Variants in SHROOM1 observed in about 807,000 individuals in gnomAD.
The protein encoded by SHROOM1 is protein Shroom1.
Under a neutral mutation model 64.2 loss-of-function variants are expected in SHROOM1, and 53 were observed. The ratio of observed to expected loss-of-function variants is 0.83; its 90% CI spans 0.66 to 1.04. The LOEUF is 1.04. Among genes scored for constraint, SHROOM1 ranks in the 50% least tolerant of loss-of-function variants. SHROOM1 has a pLI of 0.00. For missense variants in SHROOM1, 1,179 were observed against 1,163.2 expected, an observed-to-expected ratio of 1.01 and a Z score of -0.20; for synonymous variants, 490 against 518.9, an observed-to-expected ratio of 0.94 and a Z score of 0.76.
In SHROOM1 at chr5:132,824,797, C is replaced by T. The variant is rs150122012; in HGVS notation, c.1059G>A (p.Ala353=). 185 of 1,614,056 alleles carry T rather than the reference C, an allele frequency of 1.1e-4. No individual in the cohort carries two copies. The African/African-American group carries it at 1.8e-3, about 16-fold the overall frequency. Reference sequence around the variant, plus strand: ...GGGGTAACTCTGCAGGATACATCACCGCAGCCTCTTTCTGAGGCAAGAACC... The same window carrying T: ...GGGGTAACTCTGCAGGATACATCACTGCAGCCTCTTTCTGAGGCAAGAACC... ...LSRFLPQKEA[A]VMYPAELPQS... is the part of the protein sequence containing the mutation. Residue 353 remains alanine (A), a synonymous_variant, in exon 6 of 10, where the codon GCG becomes GCA. Transcript: ENST00000378679.
Position 132,825,227 on chromosome 5 carries a change from C to T in SHROOM1, c.914G>A (p.Arg305Gln), listed in dbSNP as rs1427425730. The change falls in exon 4 of 10, where the codon CGG becomes CAG. Residue 305 changes from arginine to glutamine, a missense_variant. Transcript: ENST00000378679. The surrounding 1 kb of genome is among the most constrained non-coding windows in gnomAD (Gnocchi z 5.1). ...GDAFRPASRS[R>Q]SASGEVLGSW... ...ACCCAAGACTTCGCCTGAAGCGCTC[C>T]GACTCCGACTGGCGGGCCTGAAGGC... is the stretch of plus-strand genomic sequence containing the variant. 3 of 1,614,032 alleles carry T rather than the reference C, an allele frequency of 1.9e-6. No homozygotes were observed. The highest frequency in any genetic ancestry group is 4.5e-5 in the East Asian group (2 of 44,870).
At position 132,830,371 on chromosome 5, in the gene SHROOM1, C is replaced by CCTGCAGCT; in HGVS notation, c.-501+215_-501+222dup. On this transcript the variant is annotated intron_variant, in intron 1 of 9. Transcript: ENST00000378679. The surrounding 1 kb of genome is among the most constrained non-coding windows in gnomAD (Gnocchi z 5.9). ...AGCTTAGAGTGGGCCGCCTCTCCGC[C>CCTGCAGCT]CTGCAGCTCTGCAGCTGGGAGAGGC... is the stretch of plus-strand genomic sequence containing the variant. The CCTGCAGCT allele has an allele frequency of 1.0e-6, 1 of 985,112 alleles. No homozygotes were observed. The highest frequency in any genetic ancestry group is 1.2e-6 in the Non-Finnish European group (1 of 829,818). 61.0% of individuals were successfully genotyped at this position (985,112 alleles called of 1,614,324 possible).
chr5:132,822,766 G>A lies in SHROOM1; in HGVS notation c.*30C>T. On this transcript the variant is annotated 3_prime_UTR_variant, in exon 10 of 10. Coordinates refer to ENST00000378679, the MANE Select transcript of SHROOM1 (RefSeq NM_001172700.2). ...CCCACTTACGTGGGTGAGAGATAGG[G>A]GCGGTGCACCCCACCCTCTCCACCT... 2 of 1,539,876 alleles carry A rather than the reference G, an allele frequency of 1.3e-6. No individual in the cohort carries two copies. Among genetic ancestry groups the A allele is most frequent in the East Asian group, 2.4e-5 (1 of 41,872 alleles).
At position 132,824,309 on chromosome 5, in the gene SHROOM1, T is replaced by A. The variant is rs780058792; in HGVS notation, c.1352A>T (p.Asp451Val). The A allele has an allele frequency of 5.0e-6, 8 of 1,613,336 alleles. No homozygotes were observed. In the African/African-American group the frequency reaches 9.3e-5, roughly 19 times the overall value. The change falls in exon 7 of 10, where the codon GAT becomes GTT. Residue 451 changes from aspartate (D) to valine (V), a missense_variant. Asp to Val is a radical substitution (Grantham distance 152, BLOSUM62 -3). Transcript: ENST00000378679. ...LHECPGTAGADDCWQGVNGSV... is the reference protein window; with the variant it reads ...LHECPGTAGAVDCWQGVNGSV... ...ACCATTCACCCCCTGCCAGCAGTCA[T>A]CTGCCCCTGCAGTTCCTGGACACTC...
Position 132,823,618 on chromosome 5 carries a change from C to T in SHROOM1, c.1953+5G>A, listed in dbSNP as rs781009896. 10 of 1,582,664 alleles carry T rather than the reference C, an allele frequency of 6.3e-6. No homozygotes were observed. The highest frequency in any genetic ancestry group is 3.6e-5 in the Admixed American group (2 of 55,978). On this transcript the variant is annotated splice_donor_5th_base_variant and intron_variant, in intron 8 of 9. Transcript: ENST00000378679. The surrounding 1 kb of genome is among the most constrained non-coding windows in gnomAD (Gnocchi z 4.6). ...CCCAGCCTCCACCAGCCCTTCTCCA[C>T]TCACTTTCTTGCCCTGGATGCTGTT...
intron 1 of SHROOM1, chr5:132,829,541 G>C (rs1758789529): frequency 4.1e-6 from 4 of 974,740 alleles, no homozygotes; most frequent in Non-Finnish European, 3.7e-6. Context: ...TAAGGCGACC[G>C]AGGAGGCACA....
chr5:132,822,944 C>T lies in SHROOM1; in HGVS notation c.2411G>A (p.Arg804His), dbSNP rs186835366. ...AGKAAVLAQQ[R>H]NLDERIRLLQ... ...GAGGCGGATGCGCTCGTCCAGGTTGCGCTGCTGGGCCAGGACGGCGGCCTT... is the reference window on the plus strand; with the variant it reads ...GAGGCGGATGCGCTCGTCCAGGTTGTGCTGCTGGGCCAGGACGGCGGCCTT... Residue 804 changes from arginine to histidine, a missense_variant, in exon 10 of 10, where the codon CGC becomes CAC. Arg to His is a conservative substitution (Grantham distance 29, BLOSUM62 0). Transcript: ENST00000378679. 2.0e-5 allele frequency: 33 copies of T among 1,612,292 alleles called. No individual in the cohort carries two copies. In the East Asian group the frequency reaches 5.6e-4, roughly 27 times the overall value.
chr5:132,828,047 C>T (rs552773875), intron 1 of SHROOM1, among the ~76,000 whole-genome samples: 6 of 152,216 alleles, frequency 3.9e-5, no homozygotes, highest in Admixed American at 1.3e-4. Context: ...GGGCGCTGGC[C>T]TCCATTCTCT....
rs1225748159 is a variant in SHROOM1, at chr5:132,823,408, C to G, written c.2068G>C (p.Val690Leu). 1 of 1,611,062 alleles carries G rather than the reference C, an allele frequency of 6.2e-7. No individual in the cohort carries two copies. Among genetic ancestry groups the G allele is most frequent in the East Asian group, 2.2e-5 (1 of 44,868 alleles). ...ARRQAALEAA[V>L]RQACAPQELE... ...TCCTGAGGGGCACAGGCCTGGCGCA[C>G]TGCAGCCTCCAGAGCCGCTTGGCGC... The change falls in exon 9 of 10, where the codon GTG (valine) becomes CTG (leucine). Residue 690 changes from valine (V) to leucine (L), a missense_variant. Physicochemically the swap from Val to Leu is conservative, Grantham distance 32. Coordinates refer to ENST00000378679, the MANE Select transcript of SHROOM1 (RefSeq NM_001172700.2). This position sits in a 1 kb window ranked among gnomAD's most constrained non-coding sequence, Gnocchi z 4.6.
At position 132,823,465 on chromosome 5, in the gene SHROOM1, G is replaced by A. The variant is rs1407108744; in HGVS notation, c.2011C>T (p.Arg671Trp). Residue 671 changes from arginine to tryptophan, a missense_variant, in exon 9 of 10, where the codon CGG becomes TGG. Physicochemically the swap from Arg to Trp is moderately radical, Grantham distance 101 (BLOSUM62 -3). Transcript: ENST00000378679. This position sits in a 1 kb window ranked among gnomAD's most constrained non-coding sequence, Gnocchi z 4.6. The part of the protein sequence containing the change: ...MLQDLHTEQE[R>W]LQGEAQAWAR... ...CACGCTTGTGCCTCCCCCTGCAGCC[G>A]CTCCTGCTCCGTGTGAAGGTCCTGA... The A allele has an allele frequency of 1.2e-6, 2 of 1,611,742 alleles. No individual in the cohort carries two copies. The highest frequency in any genetic ancestry group is 1.7e-6 in the Non-Finnish European group (2 of 1,179,274).
chr5:132,825,791 G>T lies in SHROOM1; in HGVS notation c.350C>A (p.Ala117Glu). ...LNRQATPLLY[A>E]LAAEAEAAAQ... Reference sequence around the variant, plus strand: ...CGCGGCCTCCGCCTCGGCCGCCAGCGCGTACAGCAGCGGGGTGGCCTGCCT... The same window carrying T: ...CGCGGCCTCCGCCTCGGCCGCCAGCTCGTACAGCAGCGGGGTGGCCTGCCT... Residue 117 changes from alanine (A) to glutamate (E), a missense_variant, in exon 4 of 10, where the codon GCG becomes GAG. By Grantham distance (107) the Ala-to-Glu change is moderately radical. Coordinates refer to ENST00000378679, the MANE Select transcript of SHROOM1 (RefSeq NM_001172700.2). The surrounding 1 kb of genome is among the most constrained non-coding windows in gnomAD (Gnocchi z 5.1). 8.0e-7 allele frequency: 1 copy of T among 1,245,558 alleles called. No homozygotes were observed. Among genetic ancestry groups the T allele is most frequent in the Non-Finnish European group, 1.0e-6 (1 of 997,688 alleles). 77.2% of individuals were successfully genotyped at this position (1,245,558 alleles called of 1,614,324 possible).
Position 132,823,608 on chromosome 5 carries a change from C to A in SHROOM1, c.1953+15G>T. The A allele has an allele frequency of 6.3e-7, 1 of 1,576,138 alleles. No individual in the cohort carries two copies. ...CCTACCCACCCCCAGCCTCCACCAG[C>A]CCTTCTCCACTCACTTTCTTGCCCT... On this transcript the variant is annotated intron_variant, in intron 8 of 9. Transcript: ENST00000378679. The surrounding 1 kb of genome is among the most constrained non-coding windows in gnomAD (Gnocchi z 4.6).
At position 132,828,745 on chromosome 5, in the gene SHROOM1, T is replaced by TC. The variant is rs1262969294; in HGVS notation, c.-500-1139dup. ...AGCTTGAATGGGCAATAAAAATGTGTCTACACATGTGTTTCCTTATTGACT... is the reference window on the plus strand; with the variant it reads ...AGCTTGAATGGGCAATAAAAATGTGTCCTACACATGTGTTTCCTTATTGACT... On this transcript the variant is annotated intron_variant, in intron 1 of 9. Coordinates refer to ENST00000378679, the MANE Select transcript of SHROOM1 (RefSeq NM_001172700.2). 7.9e-5 allele frequency among the ~76,000 whole-genome samples: 12 copies of TC among 152,146 alleles called. No individual in the cohort carries two copies. In the East Asian group the frequency reaches 1.2e-3, roughly 15 times the overall value.
Position 132,827,140 on chromosome 5 carries a change from A to C in SHROOM1, c.-354+321T>G, listed in dbSNP as rs181420926. ...GCTTCTCCTGTAGGACTCAGCTTAGAGGTCTCCTCACTTTTTGGGACTCCT... is the reference window on the plus strand; with the variant it reads ...GCTTCTCCTGTAGGACTCAGCTTAGCGGTCTCCTCACTTTTTGGGACTCCT... On this transcript the variant is annotated intron_variant, in intron 2 of 9. Transcript: ENST00000378679. Among the ~76,000 whole-genome samples, 14 of 152,276 alleles carry C rather than the reference A, an allele frequency of 9.2e-5. No homozygotes were observed. The East Asian group carries it at 2.7e-3, about 29-fold the overall frequency.
At position 132,822,658 on chromosome 5, in the gene SHROOM1, C is replaced by G; in HGVS notation, c.*138G>C. 1.1e-5 allele frequency: 12 copies of G among 1,068,368 alleles called. No individual in the cohort carries two copies. Among genetic ancestry groups the G allele is most frequent in the Non-Finnish European group, 1.6e-5 (12 of 755,756 alleles). The allele number at this position is 1,068,368 out of a possible 1,614,324, so 66.2% of individuals were successfully genotyped here. A position where few individuals can be genotyped will look rare whatever the true frequency, so the allele number is the denominator to read the frequency against. On this transcript the variant is annotated 3_prime_UTR_variant, in exon 10 of 10. Coordinates refer to ENST00000378679, the MANE Select transcript of SHROOM1 (RefSeq NM_001172700.2). ...GATTACAGGCGTGAGCCACCGCGCC[C>G]GGCTGGAGGAGTATCTTAGAAAGGC...
chr5:132,823,951 CA>C lies in SHROOM1; in HGVS notation c.1709del (p.Leu570ArgfsTer7), dbSNP rs748669856. The C allele has an allele frequency of 8.8e-6, 14 of 1,595,854 alleles. No homozygotes were observed. Among genetic ancestry groups the C allele is most frequent in the Non-Finnish European group, 1.2e-5 (14 of 1,171,244 alleles). On this transcript the variant is annotated frameshift_variant, in exon 7 of 10. Coordinates refer to ENST00000378679, the MANE Select transcript of SHROOM1 (RefSeq NM_001172700.2). LOFTEE classifies it high-confidence loss of function. This position sits in a 1 kb window ranked among gnomAD's most constrained non-coding sequence, Gnocchi z 4.6. Reference sequence around the variant, plus strand: ...AAGGAATCAGTCCATCCAGCAGGCCCAGGGGTGGCTCTGGGCTGGGCTGGGA... The same window carrying C: ...AAGGAATCAGTCCATCCAGCAGGCCCGGGGTGGCTCTGGGCTGGGCTGGGA... ...LASQPSPEPP[L>X]GLLDGLIPLA...
In SHROOM1 at chr5:132,823,771, A is replaced by G. The variant is rs1758546394; in HGVS notation, c.1812-7T>C. The G allele has an allele frequency of 6.4e-7, 1 of 1,555,872 alleles. No individual in the cohort carries two copies. The highest frequency in any genetic ancestry group is 1.2e-5 in the South Asian group (1 of 82,182). Reference sequence around the variant, plus strand: ...GAAGCTGAACTGATAGGACCTGGGAACAAAACCAGAGCTCCCTGGGTTTCC... The same window carrying G: ...GAAGCTGAACTGATAGGACCTGGGAGCAAAACCAGAGCTCCCTGGGTTTCC... On this transcript the variant is annotated splice_polypyrimidine_tract_variant and splice_region_variant and intron_variant, in intron 7 of 9. Coordinates refer to ENST00000378679, the MANE Select transcript of SHROOM1 (RefSeq NM_001172700.2). The surrounding 1 kb of genome is among the most constrained non-coding windows in gnomAD (Gnocchi z 4.6).
rs893983697 is a variant in SHROOM1 at position 132,824,942 on chromosome 5, G to T, written c.1034+76C>A. 13 of 1,602,312 alleles carry T rather than the reference G, an allele frequency of 8.1e-6. No individual in the cohort carries two copies. In the African/African-American group the frequency reaches 1.6e-4, roughly 20 times the overall value. Reference sequence around the variant, plus strand: ...GGCTCAGACTGAGGGTAGGTAGGAAGCCCTTTCATTTTTTGGGCAAAAGCT... The same window carrying T: ...GGCTCAGACTGAGGGTAGGTAGGAATCCCTTTCATTTTTTGGGCAAAAGCT... On this transcript the variant is annotated intron_variant, in intron 5 of 9. Transcript: ENST00000378679.
chr5:132,827,888 C>A (rs561687210), intron 1 of SHROOM1, among the ~76,000 whole-genome samples: 1 of 152,274 alleles, frequency 6.6e-6, no homozygotes, highest in African/African-American at 2.4e-5. Flanking sequence ...TGGGGCAGGA[C>A]TCACCAGAAA....
Sources: allele counts gnomAD v4.1 joint callset (sites outside exome capture counted in the v4.1 genomes callset), GRCh38; gene constraint gnomAD v4.1.1; non-coding constraint Gnocchi (gnomAD v3.1); transcripts MANE v1.5; gene names NCBI Gene and HGNC (gene_info 2026-07-23, HGNC 2026-07-21).